Variants in TCERG1L observed in about 807,000 individuals in gnomAD.
The protein encoded by TCERG1L is transcription elongation regulator 1-like protein.
In TCERG1L, 37 loss-of-function variants were observed where a neutral mutation model predicts 56.3. The ratio of observed to expected loss-of-function variants is 0.66; its 90% CI spans 0.51 to 0.87. The LOEUF is 0.87. TCERG1L is among the 40% of genes least tolerant of loss of function. TCERG1L has a pLI of 0.00. For synonymous variants in TCERG1L, 324 were observed against 326.3 expected (o/e 0.99, Z 0.08); for missense variants, 799 against 774.2 (o/e 1.03, Z -0.38).
At chr10:131,165,075 G>A (rs1344872089) in intron 5 of TCERG1L, among the ~76,000 whole-genome samples, 3 of 152,220 alleles carry the variant, frequency 2.0e-5, no homozygotes, top group East Asian at 1.9e-4. Flanking sequence ...AGAATCTCGC[G>A]TGTCTGTAAG....
chr10:131,270,357 A>G (rs1564830342), intron 3 of TCERG1L, among the ~76,000 whole-genome samples: 1 of 152,224 alleles, frequency 6.6e-6, no homozygotes, highest in Admixed American at 6.5e-5. Context: ...GGACGGATAA[A>G]TACCATAACT....
rs147680638 is a variant in TCERG1L, at chr10:131,285,037, A to C, written c.670+23174T>G. ...GAGGAGCCACTTCCCAGCTTCTTCTATGAATCCAGTATAGCTTTCACACTA... is the reference window on the plus strand; with the variant it reads ...GAGGAGCCACTTCCCAGCTTCTTCTCTGAATCCAGTATAGCTTTCACACTA... On this transcript the variant is annotated intron_variant, in intron 3 of 11. Transcript: ENST00000368642. 2.0e-3 allele frequency among the ~76,000 whole-genome samples: 301 copies of C among 152,306 alleles called. 4 individuals carry two copies. Among genetic ancestry groups the C allele is most frequent in the African/African-American group, 6.8e-3 (281 of 41,576 alleles).
intron 3 of TCERG1L, among the ~76,000 whole-genome samples, chr10:131,291,800 C>A (rs1846631154): frequency 6.6e-6 from 1 of 151,764 alleles, no homozygotes; most frequent in Non-Finnish European, 1.5e-5. Flanking sequence ...AAAATTACTT[C>A]TCAGAATGTT....
chr10:131,309,116 A>G (rs1284784140), intron 2 of TCERG1L, 37 bp downstream of exon 2: 1 of 1,582,030 alleles, frequency 6.3e-7, no homozygotes, highest in East Asian at 2.3e-5. Flanking sequence ...TTAATCATTA[A>G]AAGCCCCTTA....
intron 3 of TCERG1L, among the ~76,000 whole-genome samples, chr10:131,296,633 T>C (rs564933530): frequency 1.3e-5 from 2 of 152,336 alleles, no homozygotes; most frequent in Admixed American, 1.3e-4. Flanking sequence ...ATATTAATTA[T>C]TGCATGGGCT....
chr10:131,187,973 A>G (rs2944464), intron 4 of TCERG1L, among the ~76,000 whole-genome samples: 127,719 of 152,156 alleles, frequency 0.84, 54,593 homozygotes, highest in South Asian at 0.95. Context: ...GAGCTGAGTC[A>G]CACAGAGACT....
intron 6 of TCERG1L, among the ~76,000 whole-genome samples, chr10:131,150,246 G>A (rs77268332): frequency 4.6e-4 from 4 of 8,718 alleles, no homozygotes; most frequent in African/African-American, 5.6e-4. Flanking sequence ...CTGGCCCCCA[G>A]CCTCCAACGG....
At chr10:131,107,209 A>G (rs985060553) in intron 9 of TCERG1L, among the ~76,000 whole-genome samples, 3 of 152,210 alleles carry the variant, frequency 2.0e-5, no homozygotes, top group African/African-American at 7.2e-5. Context: ...AAGATGGCAC[A>G]CACCCACCTC....
intron 8 of TCERG1L, among the ~76,000 whole-genome samples, chr10:131,133,052 G>A (rs1475652837): frequency 6.6e-6 from 1 of 152,156 alleles, no homozygotes; most frequent in African/African-American, 2.4e-5. Flanking sequence ...AAAGTTCTGT[G>A]GTGTCTGCCT....
At chr10:131,130,870 C>T (rs375061527) in intron 8 of TCERG1L, among the ~76,000 whole-genome samples, 1 of 152,032 alleles carries the variant, frequency 6.6e-6, no homozygotes, top group Admixed American at 6.5e-5. Flanking sequence ...GTCACTGACT[C>T]CCCCAGTGAT....
At chr10:131,156,030 C>A (rs542045609) in intron 6 of TCERG1L, 1 of 152,214 alleles carries the variant, frequency 6.6e-6, no homozygotes, top group African/African-American at 2.4e-5. Context: ...TCAAAGAAGA[C>A]CGATGCGTCC....
chr10:131,145,226 G>A (rs11017752), intron 7 of TCERG1L, among the ~76,000 whole-genome samples: 19,701 of 152,212 alleles, frequency 0.13, 1,743 homozygotes, highest in Non-Finnish European at 0.2. Flanking sequence ...TCCCTAAACT[G>A]TGCACCATCT....
rs183187807 is a variant in TCERG1L, at chr10:131,150,451, C to T, written c.1035-3791G>A. On this transcript the variant is annotated intron_variant, in intron 6 of 11. Transcript: ENST00000368642. ...AGAATTATCCGGAAGCCAGAGGCCTCGGGACACAGGCTCAGACTGGCTGAG... is the reference window on the plus strand; with the variant it reads ...AGAATTATCCGGAAGCCAGAGGCCTTGGGACACAGGCTCAGACTGGCTGAG... 2.3e-3 allele frequency among the ~76,000 whole-genome samples: 354 copies of T among 152,310 alleles called. 1 individual carries two copies. The highest frequency in any genetic ancestry group is 8.3e-3 in the African/African-American group (345 of 41,572).
chr10:131,135,244 C>G (rs751723303), intron 7 of TCERG1L, among the ~76,000 whole-genome samples: 6 of 152,140 alleles, frequency 3.9e-5, no homozygotes, highest in Admixed American at 6.5e-5. Flanking sequence ...GGGTGGCCAA[C>G]TGAGCTGGGC....
chr10:131,244,866 C>A (rs575169887), intron 4 of TCERG1L, among the ~76,000 whole-genome samples: 17 of 152,320 alleles, frequency 1.1e-4, no homozygotes, highest in African/African-American at 4.1e-4. Context: ...TGCCACCACC[C>A]CCTAGATGGG....
intron 4 of TCERG1L, among the ~76,000 whole-genome samples, chr10:131,253,746 C>A (rs1236511985): frequency 6.6e-6 from 1 of 152,104 alleles, no homozygotes; most frequent in Admixed American, 6.5e-5. Flanking sequence ...TGAAGAGGGT[C>A]CTAACCACAG....
intron 9 of TCERG1L, among the ~76,000 whole-genome samples, chr10:131,107,175 T>C (rs1845360495): frequency 6.6e-6 from 1 of 152,152 alleles, no homozygotes; most frequent in Non-Finnish European, 1.5e-5. Flanking sequence ...AGAGAAGCTA[T>C]GGGCAGCCAC....
At chr10:131,249,653 A>G (rs11017841) in intron 4 of TCERG1L, among the ~76,000 whole-genome samples, 15,058 of 152,214 alleles carry the variant, frequency 0.099, 948 homozygotes, top group East Asian at 0.34. Flanking sequence ...CTACTTGTGC[A>G]AACTTTCAAA....
At position 131,260,785 on chromosome 10, in the gene TCERG1L, A is replaced by C. The variant is rs2133543639; in HGVS notation, c.671-341T>G. On this transcript the variant is annotated intron_variant, in intron 3 of 11. Coordinates refer to ENST00000368642, the MANE Select transcript of TCERG1L (RefSeq NM_174937.4). This position sits in a 1 kb window ranked among gnomAD's most constrained non-coding sequence, Gnocchi z 5.8. Reference sequence around the variant, plus strand: ...CCAGTGTGTTAAGTACCTAATCAGAAGTGACCATGAACAGCACTCAGTGAT... The same window carrying C: ...CCAGTGTGTTAAGTACCTAATCAGACGTGACCATGAACAGCACTCAGTGAT... Among the ~76,000 whole-genome samples the C allele has an allele frequency of 6.6e-6, 1 of 152,298 alleles. No individual in the cohort carries two copies. The highest frequency in any genetic ancestry group is 1.9e-4 in the East Asian group (1 of 5,172).
Sources: allele counts gnomAD v4.1 joint callset (sites outside exome capture counted in the v4.1 genomes callset), GRCh38; gene constraint gnomAD v4.1.1; non-coding constraint Gnocchi (gnomAD v3.1); transcripts MANE v1.5; gene names NCBI Gene and HGNC (gene_info 2026-07-23, HGNC 2026-07-21).